The following CDH13 variants were observed in gnomAD, a reference collection of about 807,000 sequenced individuals.
The protein encoded by CDH13 is cadherin 13.
Under a neutral mutation model 63.8 loss-of-function variants are expected in CDH13, and 24 were observed. The observed-to-expected ratio is 0.38, with a 90% confidence interval of 0.27 to 0.53. The LOEUF is 0.53. Ranked by LOEUF, CDH13 falls within the 20% of genes least tolerant of loss-of-function variation. The pLI is 0.85. For synonymous variants in CDH13, 503 were observed against 355.3 expected (o/e 1.42, Z -4.67); for missense variants, 1,049 against 903.1 (o/e 1.16, Z -2.07).
intron 4 of CDH13, among the ~76,000 whole-genome samples, chr16:83,185,687 A>G (rs1597483082): frequency 6.6e-6 from 1 of 152,208 alleles, no homozygotes; most frequent in Non-Finnish European, 1.5e-5. Flanking sequence ...TCATTTCTGG[A>G]AATGTTCTGC....
intron 7 of CDH13, among the ~76,000 whole-genome samples, chr16:83,599,707 A>G (rs1255712220): frequency 6.6e-6 from 1 of 152,208 alleles, no homozygotes; most frequent in Non-Finnish European, 1.5e-5. Context: ...TAGGAATTAT[A>G]TTGGTAAATA....
rs556695292 is a variant in CDH13, at chr16:83,547,440, A to T, written c.961-55014A>T. 2.0e-5 allele frequency among the ~76,000 whole-genome samples: 3 copies of T among 151,908 alleles called. No individual in the cohort carries two copies. The South Asian group carries it at 6.2e-4, about 32-fold the overall frequency. ...AGTATCCAATAGTTGTTTTTTTCTG[A>T]TCTTCTTCTCCCACCATCTACCCTC... On this transcript the variant is annotated intron_variant, in intron 7 of 13. Transcript: ENST00000567109.
At chr16:82,793,081 G>A (rs972977292) in intron 1 of CDH13, among the ~76,000 whole-genome samples, 1 of 152,236 alleles carries the variant, frequency 6.6e-6, no homozygotes, top group African/African-American at 2.4e-5. Flanking sequence ...GTTAAATGCA[G>A]CCCTCATAGC....
intron 4 of CDH13, among the ~76,000 whole-genome samples, chr16:83,137,150 C>T (rs529992319): frequency 2.0e-5 from 3 of 152,274 alleles, no homozygotes; most frequent in East Asian, 1.9e-4. Flanking sequence ...CTGTTCACCC[C>T]GGGTTGCAGC....
intron 3 of CDH13, among the ~76,000 whole-genome samples, chr16:83,084,935 C>G (rs554363334): frequency 1.3e-5 from 2 of 152,142 alleles, no homozygotes; most frequent in East Asian, 1.9e-4. Context: ...TCTTGCCTAA[C>G]GAGAAGTCTC....
At chr16:83,767,462 G>T (rs574085525) in intron 11 of CDH13, among the ~76,000 whole-genome samples, 9 of 152,274 alleles carry the variant, frequency 5.9e-5, no homozygotes, top group African/African-American at 2.2e-4. Flanking sequence ...CCTTCTGAAT[G>T]ATTATGTGGA....
chr16:82,730,960 T>C (rs1268908695), intron 1 of CDH13, among the ~76,000 whole-genome samples: 1 of 152,242 alleles, frequency 6.6e-6, no homozygotes, highest in Admixed American at 6.5e-5. Flanking sequence ...CATTTCCTGA[T>C]TATTTTACTA....
intron 4 of CDH13, among the ~76,000 whole-genome samples, chr16:83,156,820 T>A (rs2037226244): frequency 6.6e-6 from 1 of 152,190 alleles, no homozygotes; most frequent in Non-Finnish European, 1.5e-5. Context: ...AATATATTTA[T>A]ACTAATTCAG....
At chr16:83,272,183 A>G (rs1196939172) in intron 5 of CDH13, among the ~76,000 whole-genome samples, 2 of 152,250 alleles carry the variant, frequency 1.3e-5, no homozygotes, top group African/African-American at 4.8e-5. Flanking sequence ...GTCTCCAGCC[A>G]TAAAGAAACT....
At chr16:83,678,598 G>C (rs149435117) in intron 10 of CDH13, 137 bp downstream of exon 10, 7 of 1,128,962 alleles carry the variant, frequency 6.2e-6, no homozygotes, top group Non-Finnish European at 7.5e-6. Flanking sequence ...GGAGGAAAGC[G>C]TCATAGAGAG....
chr16:83,277,588 G>C (rs75636927), intron 5 of CDH13, among the ~76,000 whole-genome samples: 4,284 of 152,154 alleles, frequency 0.028, 189 homozygotes, highest in African/African-American at 0.089. Context: ...TGTTTTGTGC[G>C]TTCATCCCTC....
At chr16:83,749,197 A>T (rs1350697772) in intron 11 of CDH13, among the ~76,000 whole-genome samples, 1 of 152,212 alleles carries the variant, frequency 6.6e-6, no homozygotes, top group Non-Finnish European at 1.5e-5. Flanking sequence ...CCATATCAAG[A>T]TGAATATTTA....
intron 4 of CDH13, among the ~76,000 whole-genome samples, chr16:83,152,513 AT>A (rs568411848): frequency 2.6e-5 from 4 of 152,028 alleles, no homozygotes; most frequent in Non-Finnish European, 5.9e-5. Context: ...ATTCCTTTAC[AT>A]TTTTTTCTAC....
chr16:83,481,060 T>C (rs966904593), intron 6 of CDH13, among the ~76,000 whole-genome samples: 3 of 152,174 alleles, frequency 2.0e-5, no homozygotes, highest in East Asian at 1.9e-4. Flanking sequence ...ACTCACTGCC[T>C]CCTCTGGTGA....
intron 6 of CDH13, among the ~76,000 whole-genome samples, chr16:83,348,138 C>T (rs549034580): frequency 1.6e-4 from 24 of 152,192 alleles, no homozygotes; most frequent in African/African-American, 5.8e-4. Context: ...TGCAGTGAGC[C>T]AAGATCACGC....
intron 1 of CDH13, among the ~76,000 whole-genome samples, chr16:82,762,691 G>A (rs1180288538): frequency 1.3e-5 from 2 of 152,122 alleles, no homozygotes; most frequent in Non-Finnish European, 1.5e-5. Flanking sequence ...GGACTTCCTG[G>A]AGGGGTTCCC....
rs373673273 is a variant in CDH13 at position 83,410,749 on chromosome 16, A to G, written c.781+65743A>G. 1.8e-4 allele frequency among the ~76,000 whole-genome samples: 28 copies of G among 152,294 alleles called. No homozygotes were observed. The South Asian group carries it at 4.8e-3, about 26-fold the overall frequency. Reference sequence around the variant, plus strand: ...ATTATAAAGAAGGTTCAATTTAATTATGTTCAAGTAACTGAGTCGTTGGCA... The same window carrying G: ...ATTATAAAGAAGGTTCAATTTAATTGTGTTCAAGTAACTGAGTCGTTGGCA... On this transcript the variant is annotated intron_variant, in intron 6 of 13. Coordinates refer to ENST00000567109, the MANE Select transcript of CDH13 (RefSeq NM_001257.5).
intron 3 of CDH13, among the ~76,000 whole-genome samples, chr16:83,093,701 C>G (rs1236281570): frequency 6.6e-6 from 1 of 152,186 alleles, no homozygotes; most frequent in Non-Finnish European, 1.5e-5. Context: ...CCATGCACAT[C>G]TTCATGCCGG....
chr16:83,546,820 G>A (rs1470457377), intron 7 of CDH13, among the ~76,000 whole-genome samples: 1 of 152,164 alleles, frequency 6.6e-6, no homozygotes, highest in Non-Finnish European at 1.5e-5. Flanking sequence ...TAGACAGAGG[G>A]CACTGCAGCC....
Sources: gnomAD v4.1 joint callset for allele counts (sites outside exome capture counted in the v4.1 genomes callset) on GRCh38, gnomAD v4.1.1 for gene constraint, MANE v1.5 for transcripts, NCBI Gene and HGNC (gene_info 2026-07-23, HGNC 2026-07-21) for gene names.